Variants in RYR2 observed in about 807,000 individuals in gnomAD.
RYR2 encodes ryanodine receptor 2.
RYR2 carries 227 observed loss-of-function variants against 601.1 expected under a neutral mutation model. The observed-to-expected ratio is 0.38, with a 90% CI of 0.34 to 0.42. The LOEUF (loss-of-function observed/expected upper bound fraction) is 0.42. Ranked by LOEUF, RYR2 falls within the 10% of genes least tolerant of loss-of-function variation. RYR2 has a pLI of 1.00. For missense variants in RYR2, 4,646 were observed against 6,156.5 expected, an observed-to-expected ratio of 0.75 and a Z score of 8.21; for synonymous variants, 2,223 against 2,175.1, an observed-to-expected ratio of 1.02 and a Z score of -0.61.
chr1:237,123,026 A>G (rs1016591869), intron 1 of RYR2, among the ~76,000 whole-genome samples: 9 of 152,350 alleles, frequency 5.9e-5, no homozygotes, highest in Admixed American at 1.3e-4. Flanking sequence ...TGGATTGTGT[A>G]TTATGCAACT....
intron 4 of RYR2, among the ~76,000 whole-genome samples, chr1:237,363,278 AT>A (rs1434301326): frequency 6.6e-6 from 1 of 152,094 alleles, no homozygotes; most frequent in Non-Finnish European, 1.5e-5. Context: ...GATATTATGT[AT>A]GATTAATATC....
At chr1:237,625,969 C>G (rs1191936451) in intron 40 of RYR2, among the ~76,000 whole-genome samples, 165 bp downstream of exon 40, 1 of 152,114 alleles carries the variant, frequency 6.6e-6, no homozygotes, top group African/African-American at 2.4e-5. Context: ...TAAACAGCAG[C>G]ATCAGTCTAT....
At chr1:237,638,274 G>A in intron 44 of RYR2, 83 bp from the exon 45 acceptor site, 1 of 1,571,208 alleles carries the variant, frequency 6.4e-7, no homozygotes, top group South Asian at 1.2e-5. Context: ...CATCCTTTAA[G>A]GATGTCATTT....
At chr1:237,112,105 T>C (rs796342861) in intron 1 of RYR2, among the ~76,000 whole-genome samples, 116 of 152,270 alleles carry the variant, frequency 7.6e-4, no homozygotes, top group African/African-American at 2.7e-3. Flanking sequence ...TTTTTGCTAC[T>C]TCCCCTACTC....
At chr1:237,484,908 A>AT (rs145125327) in intron 17 of RYR2, among the ~76,000 whole-genome samples, 8,566 of 152,190 alleles carry the variant, frequency 0.056, 392 homozygotes, top group African/African-American at 0.13. Context: ...ATCCTTGGAG[A>AT]TTTTCCTTTC....
intron 14 of RYR2, among the ~76,000 whole-genome samples, chr1:237,447,610 T>G (rs1657529261): frequency 6.6e-6 from 1 of 152,200 alleles, no homozygotes; most frequent in Non-Finnish European, 1.5e-5. Context: ...TTTTCTATTT[T>G]CTTTCTTCTT....
chr1:237,472,126 G>A (rs1660795086), intron 17 of RYR2, among the ~76,000 whole-genome samples: 1 of 152,318 alleles, frequency 6.6e-6, no homozygotes, highest in Non-Finnish European at 1.5e-5. Context: ...TCCAGAGGAA[G>A]TGGTGTTGCT....
At chr1:237,558,329 A>G (rs914342587) in intron 27 of RYR2, among the ~76,000 whole-genome samples, 1 of 152,230 alleles carries the variant, frequency 6.6e-6, no homozygotes, top group Non-Finnish European at 1.5e-5. Flanking sequence ...AAGTTAGGGC[A>G]GGCTGGACTG....
intron 1 of RYR2, among the ~76,000 whole-genome samples, chr1:237,169,950 T>G (rs1677166872): frequency 6.6e-6 from 1 of 152,208 alleles, no homozygotes; most frequent in African/African-American, 2.4e-5. Context: ...TCATCCTTTA[T>G]TCATTCATTG....
intron 1 of RYR2, among the ~76,000 whole-genome samples, chr1:237,087,248 T>A (rs890772572): frequency 1.3e-5 from 2 of 152,180 alleles, no homozygotes; most frequent in Non-Finnish European, 2.9e-5. Flanking sequence ...TAGCCAGTCT[T>A]CACTCACTGG....
At chr1:237,513,062 A>G (rs1666070283) in intron 24 of RYR2, among the ~76,000 whole-genome samples, 1 of 152,122 alleles carries the variant, frequency 6.6e-6, no homozygotes, top group Non-Finnish European at 1.5e-5. Flanking sequence ...CAGCCTGAGC[A>G]CATATTTTGA....
chr1:237,398,437 A>C (rs2149912937), intron 10 of RYR2, among the ~76,000 whole-genome samples: 1 of 152,364 alleles, frequency 6.6e-6, no homozygotes, highest in Admixed American at 6.5e-5. Flanking sequence ...TCAATTAGAA[A>C]ATAGGCAAAA....
Position 237,638,540 on chromosome 1 carries a change from T to C in RYR2, c.6928+48T>C, listed in dbSNP as rs755312111. The stretch of plus-strand genomic sequence containing the variant: ...CTTTTGAGTTATCATTAAAACTGCA[T>C]AGAGATATAATAAGGATTCATCTCA... On this transcript the variant is annotated intron_variant, in intron 45 of 104. Coordinates refer to ENST00000366574, the MANE Select transcript of RYR2 (RefSeq NM_001035.3). 3 of 1,589,086 alleles carry C rather than the reference T, an allele frequency of 1.9e-6. No individual in the cohort carries two copies. The East Asian group carries it at 6.7e-5, about 36-fold the overall frequency.
intron 58 of RYR2, among the ~76,000 whole-genome samples, chr1:237,668,535 G>T (rs988016300): frequency 1.3e-5 from 2 of 152,182 alleles, no homozygotes; most frequent in African/African-American, 2.4e-5. Context: ...TTATAATGTG[G>T]TGTCTGTGTG....
At chr1:237,126,007 C>T (rs576902258) in intron 1 of RYR2, among the ~76,000 whole-genome samples, 32 of 152,286 alleles carry the variant, frequency 2.1e-4, no homozygotes, top group African/African-American at 6.5e-4. Context: ...GAGGCCGAGG[C>T]GGGCGGATCA....
At chr1:237,744,892 G>A (rs549339783) in intron 80 of RYR2, among the ~76,000 whole-genome samples, 1 of 151,262 alleles carries the variant, frequency 6.6e-6, no homozygotes, top group East Asian at 2.0e-4. Context: ...CACCTCCTGG[G>A]TTCAAACAGT....
chr1:237,442,254 A>T (rs1203940561), intron 13 of RYR2, among the ~76,000 whole-genome samples: 1 of 152,200 alleles, frequency 6.6e-6, no homozygotes, highest in Non-Finnish European at 1.5e-5. Context: ...TTTTCTTTTG[A>T]TAATGACGTT....
At chr1:237,517,602 G>A (rs1666677474) in intron 24 of RYR2, among the ~76,000 whole-genome samples, 2 of 151,438 alleles carry the variant, frequency 1.3e-5, no homozygotes, top group South Asian at 2.1e-4. Flanking sequence ...GCTTGTTCTA[G>A]ACTGTAAGCT....
At chr1:237,755,566 T>G (rs1692881303) in intron 80 of RYR2, among the ~76,000 whole-genome samples, 1 of 152,248 alleles carries the variant, frequency 6.6e-6, no homozygotes, top group South Asian at 2.1e-4. Flanking sequence ...CATACCAGTC[T>G]TGAACTTGCT....
Sources: gnomAD v4.1 joint callset for allele counts (sites outside exome capture counted in the v4.1 genomes callset) on GRCh38, gnomAD v4.1.1 for gene constraint, MANE v1.5 for transcripts, NCBI Gene and HGNC (gene_info 2026-07-23, HGNC 2026-07-21) for gene names.